The following CNTNAP4 variants were observed in gnomAD, a reference collection of about 807,000 sequenced individuals.
The protein encoded by CNTNAP4 is contactin associated protein family member 4.
A neutral mutation model predicts 148.4 loss-of-function variants in CNTNAP4; 98 were observed. The observed-to-expected ratio is 0.66, with a 90% CI of 0.56 to 0.78. The LOEUF (loss-of-function observed/expected upper bound fraction) is 0.78. Ranked by LOEUF, CNTNAP4 falls within the 30% of genes least tolerant of loss-of-function variation. The pLI is 0.00. For missense variants in CNTNAP4, 1,935 were observed against 1,565.6 expected (o/e 1.24, Z -3.98); for synonymous variants, 730 against 565.1 (o/e 1.29, Z -4.14).
At chr16:76,456,208 C>T (rs1348356713) in intron 8 of CNTNAP4, among the ~76,000 whole-genome samples, 1 of 152,138 alleles carries the variant, frequency 6.6e-6, no homozygotes, top group East Asian at 1.9e-4. Context: ...AGAGAACACA[C>T]CCTGGAAACC....
rs1279210620 is a variant in CNTNAP4 at position 76,506,132 on chromosome 16, A to G, written c.2365+7438A>G. 1.0e-3 allele frequency among the ~76,000 whole-genome samples: 100 copies of G among 97,710 alleles called. 25 individuals carry two copies. The highest frequency in any genetic ancestry group is 9.8e-3 in the Admixed American group (97 of 9,948). The allele number at this position is 97,710 out of a possible 152,430, so 64.1% of individuals were successfully genotyped here. On this transcript the variant is annotated intron_variant, in intron 15 of 23. Coordinates refer to ENST00000611870, the MANE Select transcript of CNTNAP4 (RefSeq NM_033401.5). ...GGGTTTATCAGTTAGTAGAAAAGTC[A>G]TGAGTAGGAGGAGTCACCTATATAT... is the stretch of plus-strand genomic sequence containing the variant.
intron 3 of CNTNAP4, among the ~76,000 whole-genome samples, chr16:76,363,181 G>A (rs972462234): frequency 6.8e-6 from 1 of 146,104 alleles, no homozygotes; most frequent in African/African-American, 2.5e-5. Flanking sequence ...TTTTTTGGGA[G>A]TTGGAGTCTC....
At chr16:76,328,728 C>T (rs914363116) in intron 2 of CNTNAP4, among the ~76,000 whole-genome samples, 2 of 152,108 alleles carry the variant, frequency 1.3e-5, no homozygotes, top group Admixed American at 1.3e-4. Flanking sequence ...TCACTGCAAC[C>T]TCCGCCTCCC....
At chr16:76,456,046 A>G (rs1325142208) in intron 8 of CNTNAP4, among the ~76,000 whole-genome samples, 1 of 152,198 alleles carries the variant, frequency 6.6e-6, no homozygotes, top group Non-Finnish European at 1.5e-5. Context: ...CTAGGCCATA[A>G]TCTCATGGTC....
chr16:76,309,729 A>C (rs1960883513), intron 1 of CNTNAP4: 7 of 619,418 alleles, frequency 1.1e-5, no homozygotes, highest in Non-Finnish European at 1.8e-5. Flanking sequence ...ACCCAGGTGG[A>C]GGTAATTGAA....
At chr16:76,453,393 C>G (rs1023370383) in intron 8 of CNTNAP4, among the ~76,000 whole-genome samples, 1 of 152,136 alleles carries the variant, frequency 6.6e-6, no homozygotes, top group Non-Finnish European at 1.5e-5. Context: ...CTTGAGGTGA[C>G]TATATGAGTA....
In CNTNAP4 at chr16:76,300,560, A is replaced by G. The variant is rs538169219; in HGVS notation, c.86-15853A>G. On this transcript the variant is annotated intron_variant, in intron 1 of 23. Transcript: ENST00000611870. ...CTTAAAGTATAATCAAAAATTATAAATTAAAAACAAAGATGTTGAATGGCA... is the reference window on the plus strand; with the variant it reads ...CTTAAAGTATAATCAAAAATTATAAGTTAAAAACAAAGATGTTGAATGGCA... Among the ~76,000 whole-genome samples the G allele has an allele frequency of 1.6e-3, 238 of 152,366 alleles. 1 individual carries two copies. The highest frequency in any genetic ancestry group is 2.7e-3 in the Admixed American group (41 of 15,296).
intron 1 of CNTNAP4, among the ~76,000 whole-genome samples, chr16:76,279,769 A>G (rs1166555374): frequency 6.6e-6 from 1 of 152,226 alleles, no homozygotes; most frequent in African/African-American, 2.4e-5. Context: ...ATTTATTGTG[A>G]ATATTTTGAC....
intron 2 of CNTNAP4, among the ~76,000 whole-genome samples, chr16:76,343,092 C>T (rs972814870): frequency 6.6e-6 from 1 of 151,212 alleles, no homozygotes; most frequent in Non-Finnish European, 1.5e-5. Context: ...TAGGCAGAAG[C>T]ATAACCTATT....
At chr16:76,496,727 G>C (rs1432976698) in intron 14 of CNTNAP4, among the ~76,000 whole-genome samples, 1 of 152,046 alleles carries the variant, frequency 6.6e-6, no homozygotes, top group Non-Finnish European at 1.5e-5. Context: ...AATAACAAAA[G>C]ATTCTGGAAT....
chr16:76,459,529 C>A (rs184175581), intron 8 of CNTNAP4, among the ~76,000 whole-genome samples: 147 of 152,222 alleles, frequency 9.7e-4, no homozygotes, highest in African/African-American at 3.5e-3. Flanking sequence ...ATGTCCAGGG[C>A]AAAGACATGT....
chr16:76,528,280 G>A (rs1048605531), intron 17 of CNTNAP4, among the ~76,000 whole-genome samples: 2 of 152,056 alleles, frequency 1.3e-5, no homozygotes, highest in Admixed American at 6.6e-5. Flanking sequence ...AAAAATTTGA[G>A]ATGGATCTCT....
At chr16:76,372,989 T>C (rs1001497906) in intron 3 of CNTNAP4, among the ~76,000 whole-genome samples, 2 of 152,206 alleles carry the variant, frequency 1.3e-5, no homozygotes, top group Non-Finnish European at 2.9e-5. Flanking sequence ...AGAAACACTT[T>C]TCATGATTAC....
intron 2 of CNTNAP4, among the ~76,000 whole-genome samples, chr16:76,345,299 G>A (rs73625337): frequency 0.036 from 5,413 of 152,200 alleles, 328 homozygotes; most frequent in African/African-American, 0.12. Flanking sequence ...CTTCTCTTAG[G>A]CTCTGACTGT....
intron 3 of CNTNAP4, among the ~76,000 whole-genome samples, chr16:76,384,034 T>G (rs1445369308): frequency 1.3e-5 from 2 of 152,110 alleles, no homozygotes; most frequent in African/African-American, 4.8e-5. Context: ...TTTGTTTTGT[T>G]TTTTGTTATT....
At chr16:76,463,725 G>C (rs932460938) in intron 9 of CNTNAP4, among the ~76,000 whole-genome samples, 2 of 152,114 alleles carry the variant, frequency 1.3e-5, no homozygotes, top group African/African-American at 4.8e-5. Context: ...CTCTGCTAAA[G>C]AAAGATGATC....
At chr16:76,491,513 A>G (rs2143798269) in intron 13 of CNTNAP4, among the ~76,000 whole-genome samples, 1 of 152,294 alleles carries the variant, frequency 6.6e-6, no homozygotes, top group Non-Finnish European at 1.5e-5. Context: ...AGCCCCCCTC[A>G]TTTCCAGCTC....
At chr16:76,472,998 G>A (rs552206209) in intron 10 of CNTNAP4, among the ~76,000 whole-genome samples, 1 of 152,208 alleles carries the variant, frequency 6.6e-6, no homozygotes, top group South Asian at 2.1e-4. Flanking sequence ...ACTCCGTGAG[G>A]GGGGCAGAGG....
chr16:76,415,898 G>T (rs2078958684), intron 3 of CNTNAP4, among the ~76,000 whole-genome samples: 1 of 145,262 alleles, frequency 6.9e-6, no homozygotes, highest in Non-Finnish European at 1.5e-5. Context: ...GTCTTTTATT[G>T]AGTAATTTCC....
Sources: gnomAD v4.1 joint callset for allele counts (sites outside exome capture counted in the v4.1 genomes callset) on GRCh38, gnomAD v4.1.1 for gene constraint, MANE v1.5 for transcripts, NCBI Gene and HGNC (gene_info 2026-07-23, HGNC 2026-07-21) for gene names.